Variants in SH2D4B observed in about 807,000 individuals in gnomAD.
The protein encoded by SH2D4B is SH2 domain containing 4B, also known as SH2 domain-containing protein 4B.
In SH2D4B, 45 loss-of-function variants were observed where a neutral mutation model predicts 61.5. That is an observed-to-expected ratio of 0.73 (90% CI 0.58 to 0.94). The LOEUF (loss-of-function observed/expected upper bound fraction) is 0.94, where lower values mean the gene tolerates loss of function less well. SH2D4B is among the 40% of genes least tolerant of loss of function. The pLI, the probability that SH2D4B is intolerant of heterozygous loss-of-function variation, is 0.00. For missense variants in SH2D4B, 572 were observed against 574.2 expected, an observed-to-expected ratio of 1.00 and a Z score of 0.04; for synonymous variants, 224 against 220.4, an observed-to-expected ratio of 1.02 and a Z score of -0.14.
intron 1 of SH2D4B, among the ~76,000 whole-genome samples, chr10:80,544,291 G>A (rs1445794659): frequency 1.3e-5 from 2 of 152,172 alleles, no homozygotes; most frequent in African/African-American, 4.8e-5. Flanking sequence ...TCACTCCTGA[G>A]CCAGCGAGAC....
chr10:80,552,018 C>T (rs1214958907), intron 1 of SH2D4B, among the ~76,000 whole-genome samples: 1 of 152,128 alleles, frequency 6.6e-6, no homozygotes, highest in Non-Finnish European at 1.5e-5. Flanking sequence ...GCTCTCTGGC[C>T]TCTTCTTATA....
intron 1 of SH2D4B, among the ~76,000 whole-genome samples, chr10:80,544,556 C>G (rs900792910): frequency 1.3e-5 from 2 of 152,260 alleles, no homozygotes; most frequent in African/African-American, 4.8e-5. Flanking sequence ...GTAGCCACGG[C>G]AACCTTGCCT....
At position 80,600,073 on chromosome 10, in the gene SH2D4B, C is replaced by T. The variant is rs567269251; in HGVS notation, c.644-3506C>T. Among the ~76,000 whole-genome samples the T allele has an allele frequency of 5.3e-5, 8 of 152,278 alleles. No individual in the cohort carries two copies. The South Asian group carries it at 8.3e-4, about 16-fold the overall frequency. On this transcript the variant is annotated intron_variant, in intron 4 of 7. Transcript: ENST00000646907. ...AGCCCATGCCAGGGCTTTCCAAGCC[C>T]GCCATGTACTGTCCCATTTACATCT...
chr10:80,621,268 G>T lies in SH2D4B; in HGVS notation c.988+11717G>T, dbSNP rs140860019. 8.5e-3 allele frequency among the ~76,000 whole-genome samples: 1,300 copies of T among 152,290 alleles called. 5 individuals are homozygous for T. Among genetic ancestry groups the T allele is most frequent in the Non-Finnish European group, 0.012 (813 of 68,028 alleles). On this transcript the variant is annotated intron_variant, in intron 6 of 7. Transcript: ENST00000646907. ...TGCTAAACATCCTGCAGTGCACAAG[G>T]CAGCCCCGCCGGACAGGCAAAATGT...
intron 7 of SH2D4B, among the ~76,000 whole-genome samples, chr10:80,635,691 T>C (rs1453864478): frequency 6.6e-6 from 1 of 152,190 alleles, no homozygotes; most frequent in African/African-American, 2.4e-5. Flanking sequence ...TGTGAGGACA[T>C]TGACACATTC....
At chr10:80,620,337 G>A (rs1366056413) in intron 6 of SH2D4B, among the ~76,000 whole-genome samples, 1 of 152,096 alleles carries the variant, frequency 6.6e-6, no homozygotes, top group Admixed American at 6.5e-5. Context: ...GTGAAGATGT[G>A]CTCGCTTCCC....
At chr10:80,540,835 G>T in intron 1 of SH2D4B, 1 of 1,550,860 alleles carries the variant, frequency 6.4e-7, no homozygotes, top group Non-Finnish European at 8.7e-7. Flanking sequence ...GCCGTGCCGT[G>T]TCCCAGGGCG....
chr10:80,548,189 C>T lies in SH2D4B; in HGVS notation c.184+9674C>T, dbSNP rs113752610. ...TAGATCATTTTTCTTTCTTCTTAGA[C>T]AGTTTCACTCTGTCGCCCAGGCTGG... On this transcript the variant is annotated intron_variant, in intron 1 of 7. Transcript: ENST00000646907. 1.0e-3 allele frequency among the ~76,000 whole-genome samples: 155 copies of T among 152,276 alleles called. 4 individuals are homozygous for T. The highest frequency in any genetic ancestry group is 2.8e-3 in the African/African-American group (115 of 41,556).
intron 4 of SH2D4B, among the ~76,000 whole-genome samples, chr10:80,589,865 G>A (rs1413117591): frequency 1.3e-5 from 2 of 151,918 alleles, no homozygotes; most frequent in South Asian, 4.1e-4. Flanking sequence ...GGGAAGTGTG[G>A]GGTGGTGAGA....
intron 1 of SH2D4B, among the ~76,000 whole-genome samples, chr10:80,551,226 T>C (rs1481660699): frequency 6.6e-6 from 1 of 152,102 alleles, no homozygotes; most frequent in Non-Finnish European, 1.5e-5. Flanking sequence ...CTAATATTTT[T>C]TGTATTTTTA....
chr10:80,605,040 A>G lies in SH2D4B; in HGVS notation c.860+1245A>G, dbSNP rs556700794. Among the ~76,000 whole-genome samples, 948 of 151,898 alleles carry G rather than the reference A, an allele frequency of 6.2e-3. 8 individuals are homozygous for G. Among genetic ancestry groups the G allele is most frequent in the Middle Eastern group, 0.017 (5 of 292 alleles). On this transcript the variant is annotated intron_variant, in intron 5 of 7. Transcript: ENST00000646907. ...GATTTCCTGACCTTGTGATCTGCCC[A>G]CCTCGGCCTCCCAAAGTGCTGGGAT...
Position 80,538,157 on chromosome 10 carries a change from A to T in SH2D4B, c.-175A>T, listed in dbSNP as rs553869101. ...TCTTTTGCTGTCCTGGGTAGAGGAGATGAGTTCGTCGCTGGCTGCAAGCTG... is the reference window on the plus strand; with the variant it reads ...TCTTTTGCTGTCCTGGGTAGAGGAGTTGAGTTCGTCGCTGGCTGCAAGCTG... On this transcript the variant is annotated 5_prime_UTR_variant, in exon 1 of 8. It removes an upstream start codon present in the reference 5' UTR. Coordinates refer to ENST00000646907, the MANE Select transcript of SH2D4B (RefSeq NM_001388272.1). This position sits in a 1 kb window ranked among gnomAD's most constrained non-coding sequence, Gnocchi z 4.8. 230 of 437,364 alleles carry T rather than the reference A, an allele frequency of 5.3e-4. No individual in the cohort carries two copies. Among genetic ancestry groups the T allele is most frequent in the Admixed American group, 2.5e-3 (55 of 21,978 alleles). The allele number at this position is 437,364 out of a possible 1,614,324, so 27.1% of individuals were successfully genotyped here.
At chr10:80,576,520 T>C (rs1842127072) in intron 3 of SH2D4B, among the ~76,000 whole-genome samples, 1 of 152,174 alleles carries the variant, frequency 6.6e-6, no homozygotes, top group Admixed American at 6.5e-5. Context: ...AGCTGAGATA[T>C]CTTCTGTTTG....
At chr10:80,588,979 G>A (rs1380501965) in intron 4 of SH2D4B, among the ~76,000 whole-genome samples, 3 of 151,362 alleles carry the variant, frequency 2.0e-5, no homozygotes, top group Admixed American at 2.0e-4. Context: ...CTGCCTGTTG[G>A]GGATATTTCT....
At chr10:80,637,476 G>C (rs2132164492) in intron 7 of SH2D4B, among the ~76,000 whole-genome samples, 1 of 152,274 alleles carries the variant, frequency 6.6e-6, no homozygotes, top group East Asian at 1.9e-4. Flanking sequence ...GTGGTTTTGA[G>C]TTCTCCATGA....
At chr10:80,548,311 G>T (rs34295552) in intron 1 of SH2D4B, among the ~76,000 whole-genome samples, 1 of 152,070 alleles carries the variant, frequency 6.6e-6, no homozygotes, top group Non-Finnish European at 1.5e-5. Flanking sequence ...ATTAAGGTGC[G>T]TGCCACCATG....
intron 3 of SH2D4B, among the ~76,000 whole-genome samples, chr10:80,574,796 G>T (rs1426997562): frequency 1.3e-5 from 2 of 152,132 alleles, no homozygotes; most frequent in Non-Finnish European, 2.9e-5. Context: ...CACCTCCCAG[G>T]TTCAAGTGAT....
chr10:80,593,977 T>C (rs753335300), intron 4 of SH2D4B, among the ~76,000 whole-genome samples: 2 of 152,106 alleles, frequency 1.3e-5, no homozygotes, highest in African/African-American at 4.8e-5. Context: ...ATCTGGCTAA[T>C]TTATATATAT....
chr10:80,629,447 T>C (rs7085913), intron 6 of SH2D4B, among the ~76,000 whole-genome samples: 14,067 of 152,118 alleles, frequency 0.092, 1,232 homozygotes, highest in African/African-American at 0.23. Flanking sequence ...ATATCAGCAA[T>C]ATCAAAAAGG....
Sources: gnomAD v4.1 joint callset for allele counts (sites outside exome capture counted in the v4.1 genomes callset) on GRCh38, gnomAD v4.1.1 for gene constraint, Gnocchi (gnomAD v3.1) non-coding constraint, MANE v1.5 for transcripts, NCBI Gene and HGNC (gene_info 2026-07-23, HGNC 2026-07-21) for gene names.